Variants in NCEH1 observed in about 807,000 individuals in gnomAD.
NCEH1 encodes 2-acetyl MAGE hydrolase.
NCEH1 carries 9 observed loss-of-function variants against 25.4 expected under a neutral mutation model. The ratio of observed to expected loss-of-function variants is 0.35; its 90% CI spans 0.21 to 0.62. NCEH1 has a LOEUF of 0.62. NCEH1 is among the 20% of genes least tolerant of loss of function. The probability of loss-of-function intolerance (pLI) is 0.72; values close to 1 mark genes in which losing one functional copy is unlikely to be tolerated. For synonymous variants in NCEH1, 200 were observed against 199.8 expected (o/e 1.00, Z -0.01); for missense variants, 412 against 501.1 (o/e 0.82, Z 1.70).
intron 1 of NCEH1, among the ~76,000 whole-genome samples, chr3:172,683,616 T>C (rs2108522848): frequency 6.6e-6 from 1 of 152,168 alleles, no homozygotes; most frequent in African/African-American, 2.4e-5. Context: ...AGGTTGAAGT[T>C]ATAGTGAGCC....
chr3:172,674,236 T>G (rs1711810147), intron 1 of NCEH1, among the ~76,000 whole-genome samples: 1 of 151,976 alleles, frequency 6.6e-6, no homozygotes. Context: ...GGTCAGGAGT[T>G]CAAGACCAGC....
chr3:172,642,976 T>C (rs1716931698), intron 3 of NCEH1, among the ~76,000 whole-genome samples: 1 of 152,214 alleles, frequency 6.6e-6, no homozygotes. Flanking sequence ...TTCGCTTTTG[T>C]TGCCCAGGCT....
At chr3:172,635,246 A>G (rs1395606807) in intron 4 of NCEH1, among the ~76,000 whole-genome samples, 2 of 152,222 alleles carry the variant, frequency 1.3e-5, no homozygotes, top group Non-Finnish European at 2.9e-5. Flanking sequence ...AAGCCAAGGT[A>G]CATCATAATT....
intron 1 of NCEH1, among the ~76,000 whole-genome samples, chr3:172,706,418 A>G (rs1713988895): frequency 1.3e-5 from 2 of 152,060 alleles, no homozygotes; most frequent in South Asian, 4.1e-4. Flanking sequence ...TAAACATTTT[A>G]CAACCTAAAT....
chr3:172,683,346 T>G (rs1176406000), intron 1 of NCEH1, among the ~76,000 whole-genome samples: 1 of 105,944 alleles, frequency 9.4e-6, no homozygotes, highest in Non-Finnish European at 1.8e-5. Context: ...GAGCTTGCAG[T>G]GAGCCGAGAT....
chr3:172,697,469 A>C (rs1157728906), intron 1 of NCEH1, among the ~76,000 whole-genome samples: 2 of 152,140 alleles, frequency 1.3e-5, no homozygotes, highest in African/African-American at 2.4e-5. Flanking sequence ...CATCTATAGA[A>C]TCTTGCTGTT....
chr3:172,662,329 T>A (rs921027612), intron 1 of NCEH1, among the ~76,000 whole-genome samples: 2 of 152,206 alleles, frequency 1.3e-5, no homozygotes, highest in African/African-American at 4.8e-5. Flanking sequence ...AACTTGATCG[T>A]GGTGGATAAG....
chr3:172,699,751 G>A (rs1713581125), intron 1 of NCEH1, among the ~76,000 whole-genome samples: 2 of 152,156 alleles, frequency 1.3e-5, no homozygotes, highest in South Asian at 4.1e-4. Context: ...TGTGGTCCCA[G>A]CTACTTGGGA....
At chr3:172,667,208 G>A (rs1367866611) in intron 1 of NCEH1, among the ~76,000 whole-genome samples, 2 of 152,166 alleles carry the variant, frequency 1.3e-5, no homozygotes, top group Admixed American at 6.5e-5. Context: ...CAGGGAAAAC[G>A]GCCATTCGGT....
chr3:172,703,713 T>C (rs1266017467), intron 1 of NCEH1, among the ~76,000 whole-genome samples: 1 of 152,134 alleles, frequency 6.6e-6, no homozygotes, highest in Non-Finnish European at 1.5e-5. Flanking sequence ...AGGGTATTTC[T>C]ATGCTCAGGG....
At chr3:172,675,339 A>T (rs117166485) in intron 1 of NCEH1, among the ~76,000 whole-genome samples, 20,870 of 126,768 alleles carry the variant, frequency 0.16, 1,653 homozygotes, top group East Asian at 0.25. Flanking sequence ...ATAAATAAAT[A>T]AATGATTTTG....
intron 1 of NCEH1, among the ~76,000 whole-genome samples, chr3:172,691,878 C>T (rs1352767034): frequency 4.9e-4 from 73 of 149,460 alleles, no homozygotes; most frequent in African/African-American, 1.6e-3. Flanking sequence ...ACCCGGGAGG[C>T]GGAGCTTGCA....
chr3:172,688,590 TAGATG>T (rs1712839213), intron 1 of NCEH1, among the ~76,000 whole-genome samples: 1 of 152,094 alleles, frequency 6.6e-6, no homozygotes, highest in Non-Finnish European at 1.5e-5. Context: ...TAAAGGAAAA[TAGATG>T]AGATGATATC....
chr3:172,697,452 G>A (rs1403254637), intron 1 of NCEH1, among the ~76,000 whole-genome samples: 1 of 151,916 alleles, frequency 6.6e-6, no homozygotes, highest in Non-Finnish European at 1.5e-5. Context: ...ACCTCTCTTG[G>A]GTGTTTCATC....
intron 1 of NCEH1, among the ~76,000 whole-genome samples, chr3:172,695,342 C>CA (rs1291782595): frequency 6.6e-6 from 1 of 152,226 alleles, no homozygotes; most frequent in African/African-American, 2.4e-5. Context: ...AAGGTACCTA[C>CA]AGCCTAAGGA....
intron 1 of NCEH1, among the ~76,000 whole-genome samples, chr3:172,672,172 C>T (rs902872227): frequency 2.0e-5 from 3 of 152,162 alleles, no homozygotes; most frequent in Non-Finnish European, 4.4e-5. Context: ...ATTGTAATTG[C>T]CTACAGTGCT....
At chr3:172,673,183 A>T (rs1711742812) in intron 1 of NCEH1, among the ~76,000 whole-genome samples, 1 of 152,188 alleles carries the variant, frequency 6.6e-6, no homozygotes, top group South Asian at 2.1e-4. Flanking sequence ...ATTTTTCTCA[A>T]CCTTAGTTGT....
chr3:172,650,644 G>A (rs572011479), intron 1 of NCEH1, among the ~76,000 whole-genome samples: 4 of 117,382 alleles, frequency 3.4e-5, no homozygotes, highest in Admixed American at 9.4e-5. Context: ...GTGAGACTCC[G>A]TCTCAAAAAA....
chr3:172,692,791 T>C (rs979250723), intron 1 of NCEH1, among the ~76,000 whole-genome samples: 4 of 152,360 alleles, frequency 2.6e-5, no homozygotes, highest in Middle Eastern at 6.8e-3. Flanking sequence ...AGCAGTGTAA[T>C]AGATCTAACA....
Sources: gnomAD v4.1 joint callset for allele counts (sites outside exome capture counted in the v4.1 genomes callset) on GRCh38, gnomAD v4.1.1 for gene constraint, MANE v1.5 for transcripts, NCBI Gene and HGNC (gene_info 2026-07-23, HGNC 2026-07-21) for gene names.